SVEP1: variants seen among roughly 807,000 people sequenced by gnomAD.
The protein encoded by SVEP1 is sushi, von Willebrand factor type A, EGF and pentraxin domain-containing protein 1.
Under a neutral mutation model 367.3 loss-of-function variants are expected in SVEP1, and 164 were observed. The observed-to-expected ratio is 0.45, with a 90% CI of 0.39 to 0.51. The LOEUF (loss-of-function observed/expected upper bound fraction) is 0.51, where lower values mean the gene tolerates loss of function less well. SVEP1 is among the 20% of genes least tolerant of loss of function. The probability of loss-of-function intolerance (pLI) is 0.00; values close to 1 mark genes in which losing one functional copy is unlikely to be tolerated. For missense variants in SVEP1, 4,117 were observed against 4,425.3 expected (o/e 0.93, Z 1.98); for synonymous variants, 1,666 against 1,611.6 (o/e 1.03, Z -0.81).
chr9:110,577,347 T>G (rs985893450), intron 1 of SVEP1, among the ~76,000 whole-genome samples: 1 of 152,100 alleles, frequency 6.6e-6, no homozygotes, highest in Admixed American at 6.5e-5. Context: ...CATAAGCATT[T>G]AGCACATGAT....
At chr9:110,385,102 G>T (rs10739299) in intron 43 of SVEP1, among the ~76,000 whole-genome samples, 128,663 of 151,830 alleles carry the variant, frequency 0.85, 54,846 homozygotes, top group African/African-American at 0.94. Context: ...TACCGCAGCC[G>T]CCTGAGTAGC....
In SVEP1 at chr9:110,496,905, A is replaced by C. The variant is rs1275643927; in HGVS notation, c.1710T>G (p.Pro570=). The change falls in exon 8 of 48, where the codon CCT becomes CCG. Residue 570 remains proline (P), a synonymous_variant. Coordinates refer to ENST00000374469, the MANE Select transcript of SVEP1 (RefSeq NM_153366.4). ...KDVEAPQINC[P]KDIEAKTLEQ... is the part of the protein sequence containing the mutation. ...CCAGAGTCTTAGCCTCTATGTCCTTAGGACAGTTGATTTGAGGAGCCTCCA... is the reference window on the plus strand; with the variant it reads ...CCAGAGTCTTAGCCTCTATGTCCTTCGGACAGTTGATTTGAGGAGCCTCCA... 3 of 1,550,508 alleles carry C rather than the reference A, an allele frequency of 1.9e-6. No homozygotes were observed. Among genetic ancestry groups the C allele is most frequent in the Non-Finnish European group, 2.6e-6 (3 of 1,145,254 alleles).
chr9:110,577,861 T>C (rs1190882777), intron 1 of SVEP1, among the ~76,000 whole-genome samples: 1 of 152,074 alleles, frequency 6.6e-6, no homozygotes, highest in African/African-American at 2.4e-5. Context: ...TACTGGAAAA[T>C]GTTCATCCTC....
At chr9:110,463,730 G>T (rs1828896030) in intron 18 of SVEP1, among the ~76,000 whole-genome samples, 1 of 151,534 alleles carries the variant, frequency 6.6e-6, no homozygotes, top group South Asian at 2.1e-4. Flanking sequence ...GAGAAAGAAA[G>T]ACAAAAGCAA....
At chr9:110,446,370 G>A (rs1408654801) in intron 25 of SVEP1, among the ~76,000 whole-genome samples, 1 of 152,166 alleles carries the variant, frequency 6.6e-6, no homozygotes, top group Non-Finnish European at 1.5e-5. Flanking sequence ...TCAGTAGAGA[G>A]GAAGTAATTG....
chr9:110,510,142 G>T (rs1420755683), intron 5 of SVEP1, among the ~76,000 whole-genome samples: 2 of 152,168 alleles, frequency 1.3e-5, no homozygotes, highest in Admixed American at 6.5e-5. Context: ...ATGACCAGTG[G>T]TGGCCCCATG....
At chr9:110,534,688 G>A (rs1830059120) in intron 3 of SVEP1, among the ~76,000 whole-genome samples, 1 of 152,028 alleles carries the variant, frequency 6.6e-6, no homozygotes, top group Admixed American at 6.6e-5. Flanking sequence ...ATCAGTATCT[G>A]TTGTTTTTGA....
intron 3 of SVEP1, among the ~76,000 whole-genome samples, chr9:110,529,534 C>T (rs551298974): frequency 7.9e-4 from 120 of 151,870 alleles, no homozygotes; most frequent in Non-Finnish European, 1.5e-3. Flanking sequence ...TCTATGGTTT[C>T]TTTTATCAGT....
rs888380392 is a variant in SVEP1 at position 110,478,938 on chromosome 9, T to C, written c.2487+697A>G. ...TTTTCTTTCTTCTTCTTTTTTTTTT[T>C]AGACGGAGTCTTTCTCTGTTGCCCA... On this transcript the variant is annotated intron_variant, in intron 13 of 47. Transcript: ENST00000374469. Among the ~76,000 whole-genome samples, 5 of 151,518 alleles carry C rather than the reference T, an allele frequency of 3.3e-5. No homozygotes were observed. In the South Asian group the frequency reaches 6.3e-4, roughly 19 times the overall value.
At chr9:110,478,117 G>A (rs1829125568) in intron 13 of SVEP1, among the ~76,000 whole-genome samples, 1 of 152,062 alleles carries the variant, frequency 6.6e-6, no homozygotes, top group South Asian at 2.1e-4. Context: ...CTGCCTCAGG[G>A]ACTTTGCACT....
At chr9:110,571,525 G>A (rs1184367728) in intron 1 of SVEP1, among the ~76,000 whole-genome samples, 3 of 152,166 alleles carry the variant, frequency 2.0e-5, no homozygotes, top group Non-Finnish European at 2.9e-5. Flanking sequence ...GCTGAAAAGA[G>A]GGAACTAGAT....
In SVEP1 at chr9:110,579,471, A is replaced by C. The variant is rs923218015; in HGVS notation, c.73T>G (p.Ser25Ala). 6.2e-7 allele frequency: 1 copy of C among 1,603,912 alleles called. No homozygotes were observed. ...CGGAAGCTGAAATTGCGCGACGGGG[A>C]CATCTGCTGAAAGGTCGCCCAGCCC... ...VSGWATFQQM[S>A]PSRNFSFRLF... Residue 25 changes from serine to alanine, a missense_variant, in exon 1 of 48, where the codon TCC becomes GCC. This residue lies in a region of SVEP1 where 161 missense variants were observed against 122.4 expected (regional missense o/e 1.32). Coordinates refer to ENST00000374469, the MANE Select transcript of SVEP1 (RefSeq NM_153366.4). This position sits in a 1 kb window ranked among gnomAD's most constrained non-coding sequence, Gnocchi z 5.3.
chr9:110,495,520 CT>C (rs950513990), intron 8 of SVEP1, among the ~76,000 whole-genome samples: 6 of 152,082 alleles, frequency 3.9e-5, no homozygotes, highest in African/African-American at 1.4e-4. Flanking sequence ...CACATTTGCC[CT>C]TTTCAAATCA....
Position 110,503,131 on chromosome 9 carries a change from C to A in SVEP1, c.1390G>T (p.Val464Phe). 9 of 1,613,190 alleles carry A rather than the reference C, an allele frequency of 5.6e-6. No individual in the cohort carries two copies. The highest frequency in any genetic ancestry group is 7.6e-6 in the Non-Finnish European group (9 of 1,179,320). ...REMLYKTTCL[V>F]ACDEGYRLEG... ...AGTCTGTACCCTTCATCACAGGCAA[C>A]CAAACATGTTGTCTTATATAACATT... Residue 464 changes from valine (V) to phenylalanine (F), a missense_variant, in exon 6 of 48, where the codon GTT (valine) becomes TTT (phenylalanine). Physicochemically the swap from Val to Phe is conservative, Grantham distance 50. Around this residue, in one of 4 missense-constraint regions of SVEP1, gnomAD observed 2,174 missense variants for 2,494.3 expected, o/e 0.87. Coordinates refer to ENST00000374469, the MANE Select transcript of SVEP1 (RefSeq NM_153366.4).
At chr9:110,480,533 T>G (rs1197711313) in intron 12 of SVEP1, among the ~76,000 whole-genome samples, 1 of 152,206 alleles carries the variant, frequency 6.6e-6, no homozygotes, top group African/African-American at 2.4e-5. Flanking sequence ...TAGTTTAAAA[T>G]CTAAATCAAA....
chr9:110,552,429 C>T (rs1277120669), intron 1 of SVEP1, among the ~76,000 whole-genome samples: 1 of 152,114 alleles, frequency 6.6e-6, no homozygotes, highest in Admixed American at 6.5e-5. Context: ...GGCTGGAGGA[C>T]AGTTTCAGGA....
At chr9:110,566,656 A>G (rs936972743) in intron 1 of SVEP1, among the ~76,000 whole-genome samples, 2 of 152,142 alleles carry the variant, frequency 1.3e-5, no homozygotes, top group African/African-American at 2.4e-5. Flanking sequence ...TAACCACACA[A>G]CTCCACCTGA....
chr9:110,539,035 T>G (rs762755475), intron 3 of SVEP1, among the ~76,000 whole-genome samples: 14 of 152,102 alleles, frequency 9.2e-5, no homozygotes, highest in African/African-American at 3.4e-4. Context: ...AAGGCAAACA[T>G]GAAAATCTTG....
At position 110,579,482 on chromosome 9, in the gene SVEP1, AAGGTCGCCC is replaced by A; in HGVS notation, c.53_61del (p.Trp18_Thr20del). 6.2e-7 allele frequency: 1 copy of A among 1,604,922 alleles called. No homozygotes were observed. Among genetic ancestry groups the A allele is most frequent in the Non-Finnish European group, 8.5e-7 (1 of 1,176,790 alleles). ...ATTGCGCGACGGGGACATCTGCTGAAAGGTCGCCCAGCCCGAAACGAGCGCCAGACCCCA... is the reference window on the plus strand; with the variant it reads ...ATTGCGCGACGGGGACATCTGCTGAAAGCCCGAAACGAGCGCCAGACCCCA... On this transcript the variant is annotated inframe_deletion, in exon 1 of 48. Coordinates refer to ENST00000374469, the MANE Select transcript of SVEP1 (RefSeq NM_153366.4). The surrounding 1 kb of genome is among the most constrained non-coding windows in gnomAD (Gnocchi z 5.3).
Sources: gnomAD v4.1 joint callset for allele counts (sites outside exome capture counted in the v4.1 genomes callset) on GRCh38, gnomAD v4.1.1 for gene constraint, gnomAD v4.1.1 regional missense constraint, Gnocchi (gnomAD v3.1) non-coding constraint, MANE v1.5 for transcripts, NCBI Gene and HGNC (gene_info 2026-07-23, HGNC 2026-07-21) for gene names.